The following FBLN2 variants were observed in gnomAD, a reference collection of about 807,000 sequenced individuals.
FBLN2 encodes fibulin-2.
In FBLN2, 81 loss-of-function variants were observed where a neutral mutation model predicts 123.7. That is an observed-to-expected ratio of 0.65 (90% CI 0.55 to 0.79). The LOEUF (loss-of-function observed/expected upper bound fraction) is 0.79, where lower values mean the gene tolerates loss of function less well. Among genes scored for constraint, FBLN2 ranks in the 30% least tolerant of loss-of-function variants. FBLN2 has a pLI of 0.00. For missense variants in FBLN2, 1,603 were observed against 1,681.3 expected, an observed-to-expected ratio of 0.95 and a Z score of 0.81; for synonymous variants, 699 against 701.4, an observed-to-expected ratio of 1.00 and a Z score of 0.05.
chr3:13,580,330 T>C (rs919842899), intron 2 of FBLN2, among the ~76,000 whole-genome samples: 1 of 152,180 alleles, frequency 6.6e-6, no homozygotes, highest in African/African-American at 2.4e-5. Context: ...GTACTGGATT[T>C]TACTTACACC....
rs202151995 is a variant in FBLN2, at chr3:13,614,102, A to C, written c.1667A>C (p.Glu556Ala). The change falls in exon 5 of 18, where the codon GAA becomes GCA. Residue 556 changes from glutamate to alanine, a missense_variant. Transcript: ENST00000404922. The part of the protein sequence containing the change: ...NHVMLSCCEG[E>A]EPLIVPEVRR... ...GTCATGCTCTCCTGCTGTGAGGGTG[A>C]AGAGCCTCTCATAGTACCTGAGGTT... The C allele has an allele frequency of 8.1e-6, 13 of 1,613,626 alleles. No individual in the cohort carries two copies. The highest frequency in any genetic ancestry group is 1.0e-5 in the Non-Finnish European group (12 of 1,179,866).
intron 1 of FBLN2, among the ~76,000 whole-genome samples, chr3:13,554,598 A>AGTCCTTGGAGCAGAGACACTCACT (rs56322952): frequency 0.82 from 125,376 of 152,080 alleles, 51,934 homozygotes; most frequent in East Asian, 1. Flanking sequence ...CAACTTCCCT[A>AGTCCTTGGAGCAGAGACACTCACT]GTCCTCGTGG....
intron 2 of FBLN2, among the ~76,000 whole-genome samples, chr3:13,585,453 T>C (rs572394228): frequency 6.6e-6 from 1 of 152,102 alleles, no homozygotes; most frequent in Non-Finnish European, 1.5e-5. Context: ...GGTGGTACAG[T>C]CAAGCGCTGC....
Position 13,592,695 on chromosome 3 carries a change from T to G in FBLN2, c.1307-15367T>G, listed in dbSNP as rs568615870. ...TGTCATTTTTAGTGTAGAGTTCTTG[T>G]ATATCTTTAATTAGATGTATTCTTA... On this transcript the variant is annotated intron_variant, in intron 2 of 17. Coordinates refer to ENST00000404922, the MANE Select transcript of FBLN2 (RefSeq NM_001004019.2). 2.0e-5 allele frequency among the ~76,000 whole-genome samples: 3 copies of G among 152,356 alleles called. No individual in the cohort carries two copies. The East Asian group carries it at 5.8e-4, about 29-fold the overall frequency.
At chr3:13,607,861 C>T (rs1233281968) in intron 2 of FBLN2, among the ~76,000 whole-genome samples, 3 of 152,106 alleles carry the variant, frequency 2.0e-5, no homozygotes, top group African/African-American at 4.8e-5. Flanking sequence ...CTGGGCTCCT[C>T]CCAGCCCCCA....
chr3:13,621,761 G>A lies in FBLN2; in HGVS notation c.2156-14G>A. On this transcript the variant is annotated splice_polypyrimidine_tract_variant and intron_variant, in intron 8 of 17. Coordinates refer to ENST00000404922, the MANE Select transcript of FBLN2 (RefSeq NM_001004019.2). ...TAACAGTCCTTCTGTTTTTCCTCCT[G>A]CGGCTGCCACTAGACCAAGACGAGT... The A allele has an allele frequency of 6.2e-7, 1 of 1,613,550 alleles. No homozygotes were observed. Among genetic ancestry groups the A allele is most frequent in the Non-Finnish European group, 8.5e-7 (1 of 1,179,634 alleles).
At chr3:13,590,976 C>T (rs1704656136) in intron 2 of FBLN2, among the ~76,000 whole-genome samples, 1 of 152,234 alleles carries the variant, frequency 6.6e-6, no homozygotes, top group Non-Finnish European at 1.5e-5. Flanking sequence ...TTAGCAGATA[C>T]TGCCAAATGG....
rs1706046487 is a variant in FBLN2, at chr3:13,626,551, C to T, written c.2403C>T (p.Gly801=). ...ACAAGGCACTCACCTGTGAGCCAGG[C>T]TATGCCCTCAAGGATGGCGAGTGCG... ...HCYKALTCEP[G]YALKDGECED... Residue 801 remains glycine, a synonymous_variant, in exon 10 of 18, where the codon GGC becomes GGT. Transcript: ENST00000404922. 6.4e-7 allele frequency: 1 copy of T among 1,552,210 alleles called. No individual in the cohort carries two copies. The highest frequency in any genetic ancestry group is 2.0e-5 in the Admixed American group (1 of 51,192).
intron 2 of FBLN2, among the ~76,000 whole-genome samples, chr3:13,595,992 T>A (rs541350389): frequency 1.1e-3 from 174 of 152,334 alleles, no homozygotes; most frequent in Middle Eastern, 3.4e-3. Flanking sequence ...ATGTATCTTT[T>A]TAGGAAGACA....
At chr3:13,631,131 T>C (rs1404675458) in intron 15 of FBLN2, among the ~76,000 whole-genome samples, 198 bp from the exon 16 acceptor site, 1 of 152,202 alleles carries the variant, frequency 6.6e-6, no homozygotes, top group Non-Finnish European at 1.5e-5. Context: ...GGAGCAGCCC[T>C]AGGGCATAAG....
At position 13,637,931 on chromosome 3, in the gene FBLN2, G is replaced by A. The variant is rs773180546; in HGVS notation, c.*12G>A. 3.8e-6 allele frequency: 6 copies of A among 1,565,050 alleles called. No homozygotes were observed. Among genetic ancestry groups the A allele is most frequent in the South Asian group, 2.4e-5 (2 of 83,086 alleles). ...CCTTTGCCCTGTGAGGTGCCAGCAC[G>A]GGCCACCTGCGGGTGTGGCGCAGCC... On this transcript the variant is annotated 3_prime_UTR_variant, in exon 18 of 18. Transcript: ENST00000404922.
intron 5 of FBLN2, among the ~76,000 whole-genome samples, chr3:13,616,502 G>A (rs1008119670): frequency 2.0e-5 from 3 of 152,204 alleles, no homozygotes; most frequent in African/African-American, 7.2e-5. Flanking sequence ...GTCTCTGCGG[G>A]ACCAGACCGC....
intron 10 of FBLN2, among the ~76,000 whole-genome samples, chr3:13,627,301 C>A (rs921651794): frequency 6.6e-6 from 1 of 152,150 alleles, no homozygotes; most frequent in African/African-American, 2.4e-5. Context: ...AACAGAAAGA[C>A]AGTCTCCGGG....
intron 2 of FBLN2, among the ~76,000 whole-genome samples, chr3:13,603,551 A>G (rs1248587811): frequency 6.6e-6 from 1 of 151,990 alleles, no homozygotes; most frequent in African/African-American, 2.4e-5. Context: ...CCATGTCCCT[A>G]CAAAGGACAT....
chr3:13,594,987 G>C (rs1343599492), intron 2 of FBLN2, among the ~76,000 whole-genome samples: 1 of 152,224 alleles, frequency 6.6e-6, no homozygotes, highest in African/African-American at 2.4e-5. Flanking sequence ...CATGCAGCTG[G>C]GGTGAGATCC....
rs1002294174 is a variant in FBLN2 at position 13,549,164 on chromosome 3, C to A, written c.-86C>A. The A allele has an allele frequency of 3.1e-5, 30 of 982,910 alleles. No homozygotes were observed. Among genetic ancestry groups the A allele is most frequent in the East Asian group, 2.3e-4 (2 of 8,728 alleles). The allele number at this position is 982,910 out of a possible 1,614,324, so 60.9% of individuals were successfully genotyped here. A position where few individuals can be genotyped will look rare whatever the true frequency, so the allele number is the denominator to read the frequency against. On this transcript the variant is annotated 5_prime_UTR_variant, in exon 1 of 18. Coordinates refer to ENST00000404922, the MANE Select transcript of FBLN2 (RefSeq NM_001004019.2). ...GCCGCCCGGGCTCTCGACGCGCCGA[C>A]GGCCGGGCGGACGGACGGACGGACG...
At chr3:13,584,239 A>G (rs999979444) in intron 2 of FBLN2, among the ~76,000 whole-genome samples, 2 of 152,358 alleles carry the variant, frequency 1.3e-5, no homozygotes, top group Middle Eastern at 6.8e-3. Flanking sequence ...CCCACAAAGT[A>G]CACTACAGGC....
chr3:13,575,508 C>T (rs1444032403), intron 2 of FBLN2, among the ~76,000 whole-genome samples: 1 of 152,144 alleles, frequency 6.6e-6, no homozygotes. Flanking sequence ...AGCCGTCAGA[C>T]AAGATAAGGG....
chr3:13,585,214 G>A (rs574416658), intron 2 of FBLN2, among the ~76,000 whole-genome samples: 3 of 152,320 alleles, frequency 2.0e-5, no homozygotes, highest in East Asian at 1.9e-4. Flanking sequence ...CCCACCAGCC[G>A]TGGCCATCAG....
Sources: gnomAD v4.1 joint callset for allele counts (sites outside exome capture counted in the v4.1 genomes callset) on GRCh38, gnomAD v4.1.1 for gene constraint, MANE v1.5 for transcripts, NCBI Gene and HGNC (gene_info 2026-07-23, HGNC 2026-07-21) for gene names.